AKAP19: variants seen among roughly 807,000 people sequenced by gnomAD.
AKAP19 encodes A-kinase anchoring protein 19, also known as small A-kinase anchoring protein.
the AKAP19 span, among the ~76,000 whole-genome samples, chr2:190,123,331 CTT>C: frequency 6.6e-6 from 1 of 151,954 alleles, no homozygotes; most frequent in Non-Finnish European, 1.5e-5. Flanking sequence ...TATTAACTTT[CTT>C]TTATATAGTT....
chr2:190,032,864 A>G, the AKAP19 span, among the ~76,000 whole-genome samples: 1 of 152,204 alleles, frequency 6.6e-6, no homozygotes, highest in Admixed American at 6.5e-5. Context: ...AAGCATGAAT[A>G]TGCTCTTAAA....
the AKAP19 span, among the ~76,000 whole-genome samples, chr2:190,088,232 C>T: frequency 2.0e-5 from 3 of 152,120 alleles, no homozygotes; most frequent in East Asian, 3.9e-4. Flanking sequence ...ACCCCATGAT[C>T]GTGATATGTC....
the AKAP19 span, among the ~76,000 whole-genome samples, chr2:190,006,398 A>C: frequency 2.0e-5 from 3 of 152,228 alleles, no homozygotes; most frequent in African/African-American, 7.2e-5. Context: ...CTGTAATCCC[A>C]GCACTTTGGG....
chr2:189,993,512 T>C, the AKAP19 span, among the ~76,000 whole-genome samples: 4 of 152,202 alleles, frequency 2.6e-5, no homozygotes, highest in African/African-American at 7.2e-5. Context: ...GATACTGGCT[T>C]TATAGAATGT....
the AKAP19 span, among the ~76,000 whole-genome samples, chr2:189,936,045 T>G: frequency 4.6e-5 from 7 of 152,300 alleles, no homozygotes; most frequent in African/African-American, 1.7e-4. Context: ...GGAAATCATT[T>G]AATATTGTAA....
chr2:189,987,991 TTAGGTG>T, the AKAP19 span, among the ~76,000 whole-genome samples: 11 of 151,792 alleles, frequency 7.2e-5, no homozygotes, highest in Non-Finnish European at 1.6e-4. Context: ...TTAAAAACAA[TTAGGTG>T]GATGGGGGTG....
the AKAP19 span, among the ~76,000 whole-genome samples, chr2:190,063,569 A>G: frequency 6.6e-6 from 1 of 152,166 alleles, no homozygotes; most frequent in African/African-American, 2.4e-5. Context: ...TTTGCCTCAG[A>G]TTTCCAGCAG....
At chr2:190,000,705 G>A in the AKAP19 span, among the ~76,000 whole-genome samples, 49 of 151,902 alleles carry the variant, frequency 3.2e-4, no homozygotes, top group African/African-American at 9.2e-4. Flanking sequence ...GTCATTCCAC[G>A]GCCTTCTGAA....
the AKAP19 span, chr2:190,090,763 G>T: frequency 6.6e-6 from 1 of 152,184 alleles, no homozygotes; most frequent in African/African-American, 2.4e-5. Context: ...AGCTGAACAG[G>T]TCCCTCAAAT....
chr2:189,930,808 A>G, the AKAP19 span: 1 of 820,830 alleles, frequency 1.2e-6, no homozygotes. Context: ...ATGTTGTATA[A>G]GGCCTATTCT....
the AKAP19 span, among the ~76,000 whole-genome samples, chr2:189,976,356 T>C: frequency 3.6e-3 from 551 of 152,222 alleles, no homozygotes; most frequent in Non-Finnish European, 5.4e-3. Context: ...CTCAGGGGGG[T>C]ACCAGCCATG....
At chr2:189,996,947 G>A in the AKAP19 span, among the ~76,000 whole-genome samples, 1 of 152,230 alleles carries the variant, frequency 6.6e-6, no homozygotes, top group Non-Finnish European at 1.5e-5. Flanking sequence ...GATGTGATCT[G>A]TGTTCAGGTC....
At chr2:190,029,071 A>G in the AKAP19 span, among the ~76,000 whole-genome samples, 3 of 146,672 alleles carry the variant, frequency 2.0e-5, no homozygotes, top group Non-Finnish European at 4.5e-5. Context: ...TTTTTTTTTG[A>G]GACGGAGTCT....
At chr2:190,157,112 C>T in the AKAP19 span, among the ~76,000 whole-genome samples, 1 of 152,126 alleles carries the variant, frequency 6.6e-6, no homozygotes, top group Non-Finnish European at 1.5e-5. Flanking sequence ...GCTAGGCCCT[C>T]TTTTGATCCT....
chr2:190,057,224 T>C, the AKAP19 span: 129 of 1,611,316 alleles, frequency 8.0e-5, 1 homozygote, highest in South Asian at 1.3e-3. Context: ...AAACCTTCCA[T>C]GTTTTAGGAA....
the AKAP19 span, among the ~76,000 whole-genome samples, chr2:189,974,578 G>T: frequency 1.3e-5 from 2 of 152,134 alleles, no homozygotes; most frequent in African/African-American, 4.8e-5. Flanking sequence ...TAGCAGTGGG[G>T]TGTTAAAGTC....
chr2:190,098,685 G>A, the AKAP19 span, among the ~76,000 whole-genome samples: 11 of 152,272 alleles, frequency 7.2e-5, 1 homozygote, highest in African/African-American at 2.2e-4. Context: ...TTGAAGCCAG[G>A]CATCGACTTC....
chr2:189,968,380 G>T, the AKAP19 span, among the ~76,000 whole-genome samples: 10 of 152,232 alleles, frequency 6.6e-5, no homozygotes, highest in East Asian at 1.9e-3. Flanking sequence ...TAGGACTACA[G>T]GCAAGTACGA....
the AKAP19 span, among the ~76,000 whole-genome samples, chr2:189,975,599 C>A: frequency 6.6e-6 from 1 of 152,186 alleles, no homozygotes; most frequent in African/African-American, 2.4e-5. Flanking sequence ...TCCATCCTCC[C>A]CATCACTTTC....
Sources: gnomAD v4.1 joint callset for allele counts (sites outside exome capture counted in the v4.1 genomes callset) on GRCh38, gnomAD v4.1.1 for gene constraint, MANE v1.5 for transcripts, NCBI Gene and HGNC (gene_info 2026-07-23, HGNC 2026-07-21) for gene names.